The following SLC16A10 variants were observed in gnomAD, a reference collection of about 807,000 sequenced individuals.
SLC16A10 encodes the protein monocarboxylate transporter 10.
In SLC16A10, 27 loss-of-function variants were observed where a neutral mutation model predicts 40.0. That is an observed-to-expected ratio of 0.67 (90% CI 0.50 to 0.93). The LOEUF (loss-of-function observed/expected upper bound fraction) is 0.93. SLC16A10 is among the 40% of genes least tolerant of loss of function. The pLI, the probability that SLC16A10 is intolerant of heterozygous loss-of-function variation, is 0.00. For missense variants in SLC16A10, 529 were observed against 658.2 expected (o/e 0.80, Z 2.15); for synonymous variants, 213 against 249.8 (o/e 0.85, Z 1.39).
chr6:111,188,573 C>T (rs959758703), intron 3 of SLC16A10, among the ~76,000 whole-genome samples: 6 of 152,258 alleles, frequency 3.9e-5, no homozygotes, highest in Admixed American at 2.6e-4. Context: ...CCTCCTGTCT[C>T]AGCCTTCCCA....
In SLC16A10 at chr6:111,228,207, A is replaced by G. The variant is rs1231406006; in HGVS notation, c.*5972A>G. The G allele has an allele frequency of 6.6e-6, 1 of 152,240 alleles. No individual in the cohort carries two copies. Among genetic ancestry groups the G allele is most frequent in the East Asian group, 1.9e-4 (1 of 5,200 alleles). 9.4% of individuals were successfully genotyped at this position (152,240 alleles called of 1,614,324 possible). ...TTGATTATGAAAAAGTTTTGTTTTCATTGGCAAGAGGGTAGATGATCAGTG... is the reference window on the plus strand; with the variant it reads ...TTGATTATGAAAAAGTTTTGTTTTCGTTGGCAAGAGGGTAGATGATCAGTG... On this transcript the variant is annotated 3_prime_UTR_variant, in exon 6 of 6. Transcript: ENST00000368851.
chr6:111,190,424 C>T (rs887810140), intron 3 of SLC16A10, among the ~76,000 whole-genome samples: 9 of 152,196 alleles, frequency 5.9e-5, no homozygotes, highest in East Asian at 5.8e-4. Flanking sequence ...GTCTGGAGGA[C>T]GGTAGCCCTC....
intron 1 of SLC16A10, among the ~76,000 whole-genome samples, chr6:111,152,296 G>C (rs567846826): frequency 6.6e-6 from 1 of 152,314 alleles, no homozygotes; most frequent in South Asian, 2.1e-4. Context: ...TCCCCCGGTA[G>C]AATGGCAGCT....
Position 111,216,467 on chromosome 6 carries a change from G to A in SLC16A10, c.1087-2347G>A, listed in dbSNP as rs180761727. 5.3e-3 allele frequency among the ~76,000 whole-genome samples: 802 copies of A among 151,874 alleles called. 5 individuals are homozygous for A. The highest frequency in any genetic ancestry group is 0.018 in the African/African-American group (741 of 41,422). Reference sequence around the variant, plus strand: ...CGCCCAGGCTGGAGTGCAGTGGGGCGATCTCGGCTCACTGCAAGCTCCGCC... The same window carrying A: ...CGCCCAGGCTGGAGTGCAGTGGGGCAATCTCGGCTCACTGCAAGCTCCGCC... On this transcript the variant is annotated intron_variant, in intron 4 of 5. Transcript: ENST00000368851.
intron 3 of SLC16A10, chr6:111,178,755 A>G (rs955266036): frequency 1.0e-5 from 2 of 198,506 alleles, no homozygotes; most frequent in Non-Finnish European, 1.0e-5. Context: ...CTTACAGTCT[A>G]CTTTTGGAGA....
At chr6:111,105,378 C>A (rs999853982) in intron 1 of SLC16A10, among the ~76,000 whole-genome samples, 1 of 152,100 alleles carries the variant, frequency 6.6e-6, no homozygotes, top group African/African-American at 2.4e-5. Flanking sequence ...AAAGAGTTAT[C>A]TAGGAGAGCT....
At chr6:111,119,064 A>G (rs1261342908) in intron 1 of SLC16A10, among the ~76,000 whole-genome samples, 3 of 152,236 alleles carry the variant, frequency 2.0e-5, no homozygotes, top group Non-Finnish European at 4.4e-5. Context: ...GCAATGTGCC[A>G]TACCTTTGAA....
At chr6:111,103,096 G>A (rs943669568) in intron 1 of SLC16A10, among the ~76,000 whole-genome samples, 1 of 151,984 alleles carries the variant, frequency 6.6e-6, no homozygotes, top group South Asian at 2.1e-4. Flanking sequence ...TGTAGAGACG[G>A]GGTTTCGCCA....
rs371208454 is a variant in SLC16A10 at position 111,092,793 on chromosome 6, C to A, written c.343+4698C>A. On this transcript the variant is annotated intron_variant, in intron 1 of 5. Coordinates refer to ENST00000368851, the MANE Select transcript of SLC16A10 (RefSeq NM_018593.5). ...AGTGGCTCATGCCTGTAATCCCAGC[C>A]CTTTGGGAGGCCAAGGCAGGTGGAT... Among the ~76,000 whole-genome samples the A allele has an allele frequency of 9.7e-3, 1,468 of 150,888 alleles. 4 individuals are homozygous for A. Among genetic ancestry groups the A allele is most frequent in the African/African-American group, 0.017 (719 of 41,222 alleles).
In SLC16A10 at chr6:111,087,720, C is replaced by A; in HGVS notation, c.-33C>A. 8.6e-7 allele frequency: 1 copy of A among 1,160,474 alleles called. No individual in the cohort carries two copies. The highest frequency in any genetic ancestry group is 4.3e-5 in the South Asian group (1 of 23,110). 71.9% of individuals were successfully genotyped at this position (1,160,474 alleles called of 1,614,324 possible). On this transcript the variant is annotated 5_prime_UTR_variant, in exon 1 of 6. Transcript: ENST00000368851. ...CCGCTGGTAACTCGCGTCCCTCGCG[C>A]TTCTCCGGCGCCTGAGGGGCCCGCC...
In SLC16A10 at chr6:111,159,419, T is replaced by A. The variant is rs1379942376; in HGVS notation, c.344-13276T>A. Among the ~76,000 whole-genome samples, 2 of 152,208 alleles carry A rather than the reference T, an allele frequency of 1.3e-5. 1 individual carries two copies. Among genetic ancestry groups the A allele is most frequent in the Non-Finnish European group, 2.9e-5 (2 of 68,044 alleles). ...CTGGAGTACATACCTGGGAGTGGAA[T>A]TACTAGAATGTGGTGCATGTACATG... On this transcript the variant is annotated intron_variant, in intron 1 of 5. Transcript: ENST00000368851.
chr6:111,150,994 A>G (rs1202769682), intron 1 of SLC16A10, among the ~76,000 whole-genome samples: 1 of 152,160 alleles, frequency 6.6e-6, no homozygotes, highest in Non-Finnish European at 1.5e-5. Context: ...GGAAAATTAT[A>G]TATCTGTTAA....
chr6:111,154,130 A>G (rs1772225599), intron 1 of SLC16A10, among the ~76,000 whole-genome samples: 1 of 152,238 alleles, frequency 6.6e-6, no homozygotes, highest in Admixed American at 6.5e-5. Flanking sequence ...GAATATTTTC[A>G]TTATCTTATA....
In SLC16A10 at chr6:111,229,750, A is replaced by G. The variant is rs1475975546; in HGVS notation, c.*7515A>G. ...GTCACTGTCAGCAAATCTCAGGTCT[A>G]TGATTTATCAAGGGCTCTCAGCACC... is the stretch of plus-strand genomic sequence containing the variant. On this transcript the variant is annotated 3_prime_UTR_variant, in exon 6 of 6. Coordinates refer to ENST00000368851, the MANE Select transcript of SLC16A10 (RefSeq NM_018593.5). 2.0e-5 allele frequency: 3 copies of G among 152,186 alleles called. No individual in the cohort carries two copies. Among genetic ancestry groups the G allele is most frequent in the South Asian group, 2.1e-4 (1 of 4,830 alleles). 9.4% of individuals were successfully genotyped at this position (152,186 alleles called of 1,614,324 possible).
intron 3 of SLC16A10, among the ~76,000 whole-genome samples, chr6:111,191,354 C>CT (rs947642574): frequency 1.3e-5 from 2 of 152,116 alleles, no homozygotes; most frequent in Non-Finnish European, 2.9e-5. Context: ...TGAACTCATC[C>CT]TTTTTTATGG....
intron 1 of SLC16A10, among the ~76,000 whole-genome samples, chr6:111,163,146 A>ATTT (rs34027805): frequency 4.7e-4 from 40 of 85,306 alleles, no homozygotes; most frequent in African/African-American, 9.2e-4. Flanking sequence ...CAACATAATA[A>ATTT]TTTTTTTTTT....
chr6:111,167,503 G>C (rs1418811105), intron 1 of SLC16A10, among the ~76,000 whole-genome samples: 1 of 152,106 alleles, frequency 6.6e-6, no homozygotes, highest in Non-Finnish European at 1.5e-5. Context: ...GTGGGGGCAT[G>C]CTTTGGTCTG....
chr6:111,180,534 G>A (rs1339297638), intron 3 of SLC16A10, among the ~76,000 whole-genome samples: 1 of 152,044 alleles, frequency 6.6e-6, no homozygotes, highest in Non-Finnish European at 1.5e-5. Flanking sequence ...GGGTGACTGA[G>A]TAAGACCCTA....
intron 1 of SLC16A10, among the ~76,000 whole-genome samples, chr6:111,161,243 A>AG (rs1772365834): frequency 6.6e-6 from 1 of 151,024 alleles, no homozygotes; most frequent in South Asian, 2.1e-4. Flanking sequence ...AAAAAAAAAA[A>AG]AAAGAAAGGG....
Sources: gnomAD v4.1 joint callset for allele counts (sites outside exome capture counted in the v4.1 genomes callset) on GRCh38, gnomAD v4.1.1 for gene constraint, MANE v1.5 for transcripts, NCBI Gene and HGNC (gene_info 2026-07-23, HGNC 2026-07-21) for gene names.